Variants in SMURF1 observed in about 807,000 individuals in gnomAD.
The protein encoded by SMURF1 is E3 ubiquitin-protein ligase SMURF1.
Under a neutral mutation model 98.0 loss-of-function variants are expected in SMURF1, and 44 were observed. That is an observed-to-expected ratio of 0.45 (90% CI 0.35 to 0.58). The LOEUF is 0.58. Among genes scored for constraint, SMURF1 ranks in the 20% least tolerant of loss-of-function variants. The pLI is 0.00. For missense variants in SMURF1, 687 were observed against 938.4 expected (o/e 0.73, Z 3.50); for synonymous variants, 396 against 374.9 (o/e 1.06, Z -0.65).
chr7:99,030,720 T>G, intron 17 of SMURF1, 37 bp from the exon 18 acceptor site: 1 of 1,574,854 alleles, frequency 6.3e-7, no homozygotes. Context: ...GTGTGGGCAG[T>G]CCAGCCCTAG....
At chr7:99,041,082 A>C (rs1795360498) in intron 12 of SMURF1, among the ~76,000 whole-genome samples, 1 of 152,220 alleles carries the variant, frequency 6.6e-6, no homozygotes. Context: ...GACCACAGGA[A>C]AATATGTATG....
chr7:99,127,976 G>T (rs62473002), intron 1 of SMURF1, among the ~76,000 whole-genome samples: 9,950 of 152,108 alleles, frequency 0.065, 446 homozygotes, highest in Non-Finnish European at 0.093. Context: ...TTTCAATTCA[G>T]GTTCCATTTT....
At chr7:99,104,568 A>AT (rs1305953136) in intron 1 of SMURF1, among the ~76,000 whole-genome samples, 1 of 152,226 alleles carries the variant, frequency 6.6e-6, no homozygotes, top group Non-Finnish European at 1.5e-5. Context: ...TAATGTAATT[A>AT]TCCTGCCCAT....
chr7:99,097,349 T>C (rs1044024707), intron 1 of SMURF1, among the ~76,000 whole-genome samples: 1 of 152,222 alleles, frequency 6.6e-6, no homozygotes, highest in Non-Finnish European at 1.5e-5. Flanking sequence ...GTGATTGCAG[T>C]GGCTTGAATG....
At chr7:99,046,481 A>G (rs989404989) in intron 10 of SMURF1, among the ~76,000 whole-genome samples, 1 of 152,024 alleles carries the variant, frequency 6.6e-6, no homozygotes, top group African/African-American at 2.4e-5. Context: ...TAATCCCAGT[A>G]CTTTGGGAGG....
At chr7:99,061,959 A>G in intron 1 of SMURF1, 122 bp from the exon 2 acceptor site, 2 of 672,188 alleles carry the variant, frequency 3.0e-6, no homozygotes, top group East Asian at 5.6e-5. Context: ...TTTGACTTTC[A>G]AATCTAGTAT....
chr7:99,078,298 AGTG>A (rs1329724532), intron 1 of SMURF1, among the ~76,000 whole-genome samples: 1 of 151,250 alleles, frequency 6.6e-6, no homozygotes, highest in Non-Finnish European at 1.5e-5. Context: ...AAAAAAAAAA[AGTG>A]GCACCGAATT....
At chr7:99,036,936 A>C in intron 15 of SMURF1, 131 bp downstream of exon 15, 2 of 1,371,288 alleles carry the variant, frequency 1.5e-6, no homozygotes, top group Non-Finnish European at 2.0e-6. Flanking sequence ...CCCTGGCTCT[A>C]GTCTGGGAAC....
intron 12 of SMURF1, among the ~76,000 whole-genome samples, chr7:99,040,760 T>A (rs1459989622): frequency 6.6e-6 from 1 of 152,210 alleles, no homozygotes; most frequent in African/African-American, 2.4e-5. Flanking sequence ...GGACAGCGTT[T>A]TGTATGCTCT....
intron 1 of SMURF1, among the ~76,000 whole-genome samples, chr7:99,099,926 A>T (rs537693063): frequency 4.6e-5 from 7 of 152,276 alleles, no homozygotes; most frequent in Non-Finnish European, 1.0e-4. Flanking sequence ...TTACTTTATA[A>T]ACTATCCAGT....
rs182492839 is a variant in SMURF1, at chr7:99,087,213, A to T, written c.56-25376T>A. 9.5e-4 allele frequency among the ~76,000 whole-genome samples: 145 copies of T among 151,966 alleles called. 3 individuals carry two copies. Among genetic ancestry groups the T allele is most frequent in the Admixed American group, 6.6e-4 (10 of 15,258 alleles). On this transcript the variant is annotated intron_variant, in intron 1 of 17. Transcript: ENST00000361368. Reference sequence around the variant, plus strand: ...AGCAAGACCCCATCTCTACAAAAAAAAAAAATTTTAATTTTAAAAAAATTA... The same window carrying T: ...AGCAAGACCCCATCTCTACAAAAAATAAAAATTTTAATTTTAAAAAAATTA...
At chr7:99,094,978 G>C (rs1796914440) in intron 1 of SMURF1, among the ~76,000 whole-genome samples, 1 of 152,206 alleles carries the variant, frequency 6.6e-6, no homozygotes. Context: ...CCAGGGCTCA[G>C]AGTTCCACTT....
intron 1 of SMURF1, among the ~76,000 whole-genome samples, chr7:99,132,254 C>T (rs78768904): frequency 1.3e-5 from 2 of 152,120 alleles, no homozygotes; most frequent in Non-Finnish European, 2.9e-5. Context: ...ATGCTGCCTC[C>T]AGGAGAGGTG....
rs759838261 is a variant in SMURF1, at chr7:99,117,341, CTTTT to C, written c.55+26381_55+26384del. 8.6e-3 allele frequency among the ~76,000 whole-genome samples: 1,303 copies of C among 151,984 alleles called. 21 individuals are homozygous for C. The highest frequency in any genetic ancestry group is 0.029 in the African/African-American group (1,184 of 41,464). Reference sequence around the variant, plus strand: ...TATGATACCAAAAGCACAAACAACGCTTTTTTTGGTTTTGTTTTTGTTTTTGAGA... The same window carrying C: ...TATGATACCAAAAGCACAAACAACGCTTTGGTTTTGTTTTTGTTTTTGAGA... On this transcript the variant is annotated intron_variant, in intron 1 of 17. Coordinates refer to ENST00000361368, the MANE Select transcript of SMURF1 (RefSeq NM_181349.3).
At chr7:99,043,703 T>C (rs1454539112) in intron 11 of SMURF1, among the ~76,000 whole-genome samples, 2 of 152,194 alleles carry the variant, frequency 1.3e-5, no homozygotes, top group Non-Finnish European at 1.5e-5. Flanking sequence ...CGCTGTGTGT[T>C]AGGTGCTGTT....
chr7:99,105,609 G>A (rs1797178491), intron 1 of SMURF1, among the ~76,000 whole-genome samples: 1 of 152,176 alleles, frequency 6.6e-6, no homozygotes, highest in Non-Finnish European at 1.5e-5. Flanking sequence ...CTTTGCCCAA[G>A]ATAACACAGC....
intron 2 of SMURF1, among the ~76,000 whole-genome samples, chr7:99,060,956 G>A (rs1380941658): frequency 3.3e-5 from 5 of 152,020 alleles, no homozygotes; most frequent in African/African-American, 4.8e-5. Context: ...TAAGTGGAGG[G>A]AAAAGTGTCT....
intron 1 of SMURF1, among the ~76,000 whole-genome samples, chr7:99,077,551 C>T (rs912506973): frequency 6.6e-6 from 1 of 151,972 alleles, no homozygotes; most frequent in African/African-American, 2.4e-5. Context: ...CCAGGATGTT[C>T]TTGATCTCTT....
At position 99,038,451 on chromosome 7, in the gene SMURF1, T is replaced by C; in HGVS notation, c.1625A>G (p.His542Arg). ...ATTTCTGCCATTGGGTTTCAGTTCA[T>C]GCTGCAGGATCCGCCCGAAGGCGTT... ...EHNAFGRILQ[H>R]ELKPNGRNVP... Residue 542 changes from histidine to arginine, a missense_variant, in exon 14 of 18, where the codon CAT becomes CGT. By Grantham distance (29) the His-to-Arg change is conservative. Transcript: ENST00000361368. The C allele has an allele frequency of 6.2e-7, 1 of 1,614,242 alleles. No homozygotes were observed. The highest frequency in any genetic ancestry group is 8.5e-7 in the Non-Finnish European group (1 of 1,180,036).
Sources: gnomAD v4.1 joint callset for allele counts (sites outside exome capture counted in the v4.1 genomes callset) on GRCh38, gnomAD v4.1.1 for gene constraint, MANE v1.5 for transcripts, NCBI Gene and HGNC (gene_info 2026-07-23, HGNC 2026-07-21) for gene names.